SMC6: variants seen among roughly 807,000 people sequenced by gnomAD.
The protein encoded by SMC6 is structural maintenance of chromosomes 6, also known as structural maintenance of chromosomes protein 6.
Under a neutral mutation model 142.2 loss-of-function variants are expected in SMC6, and 79 were observed. That is an observed-to-expected ratio of 0.56 (90% confidence interval 0.46 to 0.67). The LOEUF (loss-of-function observed/expected upper bound fraction) is 0.67, where lower values mean the gene tolerates loss of function less well. Among genes scored for constraint, SMC6 ranks in the 30% least tolerant of loss-of-function variants. The pLI is 0.00. For synonymous variants in SMC6, 411 were observed against 412.4 expected (o/e 1.00, Z 0.04); for missense variants, 1,072 against 1,284.0 (o/e 0.83, Z 2.52).
At chr2:17,703,077 C>T in intron 19 of SMC6, 80 bp downstream of exon 19, 1 of 909,828 alleles carries the variant, frequency 1.1e-6, no homozygotes, top group Non-Finnish European at 1.6e-6. Context: ...TGCTTGGAGT[C>T]AATAATGGGA....
chr2:17,670,302 A>G (rs1666695407), intron 26 of SMC6, 121 bp downstream of exon 26: 5 of 1,012,870 alleles, frequency 4.9e-6, no homozygotes, highest in Admixed American at 2.8e-5. Flanking sequence ...GTCACAGACT[A>G]AAGAGTCAGG....
chr2:17,741,568 C>G, intron 4 of SMC6, 44 bp downstream of exon 4: 1 of 1,272,944 alleles, frequency 7.9e-7, no homozygotes, highest in Non-Finnish European at 1.1e-6. Context: ...ACTCTAATCT[C>G]AAAGTACTGC....
At chr2:17,695,749 TAAAC>T (rs1057230960) in intron 22 of SMC6, among the ~76,000 whole-genome samples, 2 of 152,208 alleles carry the variant, frequency 1.3e-5, no homozygotes, top group African/African-American at 2.4e-5. Flanking sequence ...GTATTATTCT[TAAAC>T]AAATGAGGAA....
chr2:17,730,754 C>A (rs1040853743), intron 7 of SMC6, among the ~76,000 whole-genome samples: 1 of 151,598 alleles, frequency 6.6e-6, no homozygotes, highest in African/African-American at 2.4e-5. Context: ...AGGCGCCCGC[C>A]ACCACACCCA....
intron 3 of SMC6, among the ~76,000 whole-genome samples, chr2:17,744,140 G>C: frequency 6.6e-6 from 1 of 152,158 alleles, no homozygotes; most frequent in East Asian, 1.9e-4. Context: ...GTTTGGTTTT[G>C]TAAGAAACTG....
chr2:17,674,298 TTTC>T (rs545596632), intron 25 of SMC6, among the ~76,000 whole-genome samples: 105 of 152,342 alleles, frequency 6.9e-4, no homozygotes, highest in Admixed American at 1.2e-3. Context: ...TTCTATTTGA[TTTC>T]TTTTTTGACC....
At chr2:17,707,142 A>C (rs1355872455) in intron 18 of SMC6, 77 bp downstream of exon 18, 3 of 1,205,424 alleles carry the variant, frequency 2.5e-6, no homozygotes, top group South Asian at 4.5e-5. Flanking sequence ...AACAACCACT[A>C]AAAGAGTAAT....
chr2:17,748,611 T>C (rs1267793753), intron 2 of SMC6, among the ~76,000 whole-genome samples: 3 of 152,238 alleles, frequency 2.0e-5, no homozygotes, highest in Admixed American at 2.0e-4. Flanking sequence ...CAGTTTATTA[T>C]TAATTTAAAT....
rs9758302 is a variant in SMC6 at position 17,691,847 on chromosome 2, T to A, written c.2678+3305A>T. 1.7e-4 allele frequency among the ~76,000 whole-genome samples: 26 copies of A among 152,316 alleles called. 1 individual carries two copies. The highest frequency in any genetic ancestry group is 6.3e-4 in the African/African-American group (26 of 41,560). ...TCAGCCCAAAATCTCCTTAAGCTGA[T>A]AGGCAACTTCAGCAAAGTCTCAGGA... On this transcript the variant is annotated intron_variant, in intron 23 of 27. Transcript: ENST00000448223.
chr2:17,695,796 T>C (rs1667959105), intron 22 of SMC6, among the ~76,000 whole-genome samples: 1 of 152,220 alleles, frequency 6.6e-6, no homozygotes. Flanking sequence ...AGAGTTTAGA[T>C]CATTTTCCTT....
At chr2:17,692,763 C>A (rs1214736117) in intron 23 of SMC6, among the ~76,000 whole-genome samples, 1 of 152,298 alleles carries the variant, frequency 6.6e-6, no homozygotes, top group South Asian at 2.1e-4. Flanking sequence ...TCAGAGTGAA[C>A]AGGCAACCTA....
chr2:17,665,995 G>C (rs1323362088), intron 27 of SMC6, among the ~76,000 whole-genome samples: 4 of 152,194 alleles, frequency 2.6e-5, no homozygotes, highest in Non-Finnish European at 4.4e-5. Context: ...AAGTGACATA[G>C]TGCTTGACAA....
chr2:17,738,612 C>G (rs976388694), intron 4 of SMC6, among the ~76,000 whole-genome samples: 1 of 152,158 alleles, frequency 6.6e-6, no homozygotes, highest in African/African-American at 2.4e-5. Flanking sequence ...CCTTTCCAAC[C>G]TTTTCATTGT....
intron 16 of SMC6, among the ~76,000 whole-genome samples, chr2:17,709,209 T>C (rs1017599729): frequency 1.3e-5 from 2 of 151,668 alleles, no homozygotes; most frequent in Admixed American, 6.6e-5. Context: ...TAATTAATAA[T>C]TACAATTTCC....
chr2:17,710,397 T>C (rs1668769089), intron 16 of SMC6, among the ~76,000 whole-genome samples: 1 of 152,122 alleles, frequency 6.6e-6, no homozygotes, highest in Non-Finnish European at 1.5e-5. Flanking sequence ...GTGAAAAATA[T>C]ATATTAAGTA....
At position 17,670,588 on chromosome 2, in the gene SMC6, G is replaced by A; in HGVS notation, c.2911-13C>T. The A allele has an allele frequency of 1.3e-6, 2 of 1,512,920 alleles. No homozygotes were observed. The highest frequency in any genetic ancestry group is 1.8e-6 in the Non-Finnish European group (2 of 1,138,414). 93.7% of individuals were successfully genotyped at this position (1,512,920 alleles called of 1,614,324 possible). On this transcript the variant is annotated splice_polypyrimidine_tract_variant and intron_variant, in intron 25 of 27. Coordinates refer to ENST00000448223, the MANE Select transcript of SMC6 (RefSeq NM_001142286.2). The stretch of plus-strand genomic sequence containing the variant: ...CTCCAGGCTGAACCTTGAAGAGAAT[G>A]AGTTGACAAGGAACAAAAAACTAAG...
Position 17,738,262 on chromosome 2 carries a change from A to G in SMC6, c.303T>C (p.Asn101=), listed in dbSNP as rs1219026185. 8 of 1,613,640 alleles carry G rather than the reference A, an allele frequency of 5.0e-6. No individual in the cohort carries two copies. Among genetic ancestry groups the G allele is most frequent in the African/African-American group, 1.3e-5 (1 of 74,916 alleles). ...VGLGGRAVAT[N]RGSSLKGFVK... is the part of the protein sequence containing the mutation. The stretch of plus-strand genomic sequence containing the variant: ...CAAAACCTTTTAAAGAGGATCCTCT[A>G]TTAGTAGCAACTGCTCTTCCACCAA... The change falls in exon 5 of 28, where the codon AAT becomes AAC. Residue 101 remains asparagine, a synonymous_variant. Transcript: ENST00000448223.
intron 9 of SMC6, among the ~76,000 whole-genome samples, chr2:17,722,263 CT>C (rs1172110702): frequency 6.6e-6 from 1 of 152,128 alleles, no homozygotes; most frequent in Non-Finnish European, 1.5e-5. Flanking sequence ...GCAGCCATCC[CT>C]TCCTTTTGCA....
intron 26 of SMC6, among the ~76,000 whole-genome samples, chr2:17,666,880 G>C (rs775095630): frequency 1.3e-5 from 2 of 152,032 alleles, no homozygotes; most frequent in Non-Finnish European, 2.9e-5. Flanking sequence ...TACTCGGGAG[G>C]CCGAGGCAGG....
Sources: allele counts gnomAD v4.1 joint callset (sites outside exome capture counted in the v4.1 genomes callset), GRCh38; gene constraint gnomAD v4.1.1; transcripts MANE v1.5; gene names NCBI Gene and HGNC (gene_info 2026-07-23, HGNC 2026-07-21).